CERKL: variants seen among roughly 807,000 people sequenced by gnomAD.
The protein encoded by CERKL is ceramide kinase-like protein.
A neutral mutation model predicts 63.4 loss-of-function variants in CERKL; 61 were observed. The ratio of observed to expected loss-of-function variants is 0.96; its 90% CI spans 0.78 to 1.19. CERKL has a LOEUF of 1.19. CERKL is among the 50% of genes most tolerant of loss of function. The pLI is 0.00. For missense variants in CERKL, 675 were observed against 655.5 expected (o/e 1.03, Z -0.33); for synonymous variants, 250 against 230.5 (o/e 1.08, Z -0.77).
chr2:181,611,226 A>C (rs1432572991), intron 1 of CERKL, among the ~76,000 whole-genome samples: 1 of 152,110 alleles, frequency 6.6e-6, no homozygotes, highest in African/African-American at 2.4e-5. Flanking sequence ...CCATCTCAAA[A>C]AAATAATAAT....
intron 3 of CERKL, 88 bp downstream of exon 3, chr2:181,573,665 T>C: frequency 8.2e-7 from 1 of 1,217,460 alleles, no homozygotes; most frequent in Non-Finnish European, 1.2e-6. Context: ...ACAAGTAGTT[T>C]CCCAAGTTTG....
intron 3 of CERKL, among the ~76,000 whole-genome samples, chr2:181,568,030 G>A (rs1377441484): frequency 6.6e-6 from 1 of 152,160 alleles, no homozygotes; most frequent in Non-Finnish European, 1.5e-5. Flanking sequence ...GAGATGTGAA[G>A]CCTTCACAGT....
rs1381573564 is a variant in CERKL at position 181,537,855 on chromosome 2, T to G, written c.*329A>C. On this transcript the variant is annotated 3_prime_UTR_variant, in exon 13 of 13. Transcript: ENST00000410087. ...ACATCAATTTCTATTAGGATATCCG[T>G]TTGGCCACACAGCAGGAGGTTAGAG... 7.8e-6 allele frequency: 4 copies of G among 511,292 alleles called. No homozygotes were observed. The highest frequency in any genetic ancestry group is 4.6e-5 in the South Asian group (3 of 64,996). 31.7% of individuals were successfully genotyped at this position (511,292 alleles called of 1,614,324 possible).
intron 2 of CERKL, among the ~76,000 whole-genome samples, chr2:181,586,211 C>T (rs1404572047): frequency 6.6e-6 from 1 of 152,052 alleles, no homozygotes; most frequent in African/African-American, 2.4e-5. Context: ...AAAACAGACA[C>T]ACATCCTAAC....
chr2:181,634,647 A>T (rs1386450799), intron 1 of CERKL, among the ~76,000 whole-genome samples: 3 of 152,104 alleles, frequency 2.0e-5, no homozygotes, highest in Non-Finnish European at 4.4e-5. Flanking sequence ...GACCTCTAAC[A>T]TGGGTTTTCT....
At chr2:181,582,823 C>A (rs1334277861) in intron 2 of CERKL, among the ~76,000 whole-genome samples, 1 of 152,098 alleles carries the variant, frequency 6.6e-6, no homozygotes, top group Non-Finnish European at 1.5e-5. Context: ...AGATTACAGG[C>A]ATGAGCCATT....
chr2:181,581,210 T>C (rs1011017943), intron 2 of CERKL, among the ~76,000 whole-genome samples: 2 of 152,226 alleles, frequency 1.3e-5, no homozygotes, highest in Non-Finnish European at 2.9e-5. Context: ...TCCAGTTCAA[T>C]TGAACGACTA....
chr2:181,571,041 C>G (rs952854939), intron 3 of CERKL, among the ~76,000 whole-genome samples: 1 of 152,056 alleles, frequency 6.6e-6, no homozygotes, highest in Non-Finnish European at 1.5e-5. Flanking sequence ...CTGAAACTAA[C>G]AGTATTATGA....
chr2:181,637,321 C>T (rs774589361), intron 1 of CERKL, among the ~76,000 whole-genome samples: 8 of 151,918 alleles, frequency 5.3e-5, no homozygotes, highest in Non-Finnish European at 1.0e-4. Context: ...AAACAAAAAA[C>T]GGAAAGTAAA....
At chr2:181,548,248 G>T in intron 8 of CERKL, 1 of 504,994 alleles carries the variant, frequency 2.0e-6, no homozygotes, top group Non-Finnish European at 3.5e-6. Context: ...AAAGGGAAAA[G>T]GAAAGAAAGG....
At chr2:181,617,377 A>C (rs1686244230) in intron 1 of CERKL, 2 of 152,222 alleles carry the variant, frequency 1.3e-5, no homozygotes, top group Admixed American at 6.5e-5. Context: ...ATCAACTGAC[A>C]ATACAGACTC....
intron 6 of CERKL, among the ~76,000 whole-genome samples, chr2:181,549,219 T>C (rs999284400): frequency 6.6e-6 from 1 of 152,188 alleles, no homozygotes; most frequent in Non-Finnish European, 1.5e-5. Context: ...GATAATAAAA[T>C]ATCTATAGAC....
intron 1 of CERKL, among the ~76,000 whole-genome samples, chr2:181,650,494 C>T (rs1000682376): frequency 1.3e-5 from 2 of 152,198 alleles, no homozygotes; most frequent in Non-Finnish European, 2.9e-5. Flanking sequence ...CATTGTGGCT[C>T]ATGCCTGTAA....
At chr2:181,543,548 A>C (rs1168759192) in intron 11 of CERKL, among the ~76,000 whole-genome samples, 1 of 152,204 alleles carries the variant, frequency 6.6e-6, no homozygotes, top group African/African-American at 2.4e-5. Flanking sequence ...GAAAGTTTTA[A>C]AATATAATGA....
At chr2:181,627,532 C>T (rs111335396) in intron 1 of CERKL, among the ~76,000 whole-genome samples, 34 of 152,292 alleles carry the variant, frequency 2.2e-4, no homozygotes, top group African/African-American at 8.2e-4. Context: ...TTGTACTCAT[C>T]CTAAAAACTT....
chr2:181,641,785 T>C (rs1387689212), intron 1 of CERKL, among the ~76,000 whole-genome samples: 1 of 152,182 alleles, frequency 6.6e-6, no homozygotes, highest in Non-Finnish European at 1.5e-5. Context: ...AAAAATTCAG[T>C]TTCTCAGTCA....
intron 2 of CERKL, among the ~76,000 whole-genome samples, chr2:181,588,772 C>T (rs1684867676): frequency 6.6e-6 from 1 of 152,110 alleles, no homozygotes; most frequent in Non-Finnish European, 1.5e-5. Context: ...TTTCTGATAA[C>T]AGCCATTCTA....
chr2:181,633,384 G>C (rs143024142), intron 1 of CERKL, among the ~76,000 whole-genome samples: 4 of 152,332 alleles, frequency 2.6e-5, no homozygotes, highest in Non-Finnish European at 5.9e-5. Flanking sequence ...CAGATGAGTA[G>C]AAAATAAAAG....
intron 1 of CERKL, among the ~76,000 whole-genome samples, chr2:181,649,184 A>C (rs375005982): frequency 1.4e-4 from 22 of 152,344 alleles, no homozygotes; most frequent in African/African-American, 5.3e-4. Context: ...ACCGTTAAAG[A>C]CAGACTGAAA....
Sources: gnomAD v4.1 joint callset for allele counts (sites outside exome capture counted in the v4.1 genomes callset) on GRCh38, gnomAD v4.1.1 for gene constraint, MANE v1.5 for transcripts, NCBI Gene and HGNC (gene_info 2026-07-23, HGNC 2026-07-21) for gene names.